The following WNT2 variants were observed in gnomAD, a reference collection of about 807,000 sequenced individuals.
WNT2 encodes the protein Wnt family member 2, also known as protein Wnt-2.
In WNT2, 12 loss-of-function variants were observed where a neutral mutation model predicts 36.9. The observed-to-expected ratio is 0.33, with a 90% CI of 0.21 to 0.53. The LOEUF is 0.53. Among genes scored for constraint, WNT2 ranks in the 20% least tolerant of loss-of-function variants. The pLI is 0.95. For synonymous variants in WNT2, 163 were observed against 174.6 expected (o/e 0.93, Z 0.52); for missense variants, 379 against 473.1 (o/e 0.80, Z 1.84).
chr7:117,283,593 G>A (rs1794533520), intron 4 of WNT2, among the ~76,000 whole-genome samples: 1 of 152,178 alleles, frequency 6.6e-6, no homozygotes, highest in Admixed American at 6.5e-5. Flanking sequence ...TGGTCATGGT[G>A]TCTTTTGTCC....
intron 2 of WNT2, among the ~76,000 whole-genome samples, chr7:117,316,459 T>C (rs569750729): frequency 2.3e-4 from 35 of 152,298 alleles, no homozygotes; most frequent in East Asian, 1.4e-3. Context: ...CTAATGCCAA[T>C]GCAAGGCAGA....
In WNT2 at chr7:117,322,855, C is replaced by T. The variant is rs1795355076; in HGVS notation, c.83+52G>A. The T allele has an allele frequency of 3.2e-6, 5 of 1,574,414 alleles. No homozygotes were observed. In the Admixed American group the frequency reaches 8.4e-5, roughly 26 times the overall value. On this transcript the variant is annotated intron_variant, in intron 1 of 4. Coordinates refer to ENST00000265441, the MANE Select transcript of WNT2 (RefSeq NM_003391.3). This position sits in a 1 kb window ranked among gnomAD's most constrained non-coding sequence, Gnocchi z 5.4. Reference sequence around the variant, plus strand: ...CCAGGAAGGGTCTATGTGGCCAATGCGGTCCCCATTCCGATCTCCAAAATC... The same window carrying T: ...CCAGGAAGGGTCTATGTGGCCAATGTGGTCCCCATTCCGATCTCCAAAATC...
At chr7:117,296,632 A>G (rs1030177066) in intron 4 of WNT2, among the ~76,000 whole-genome samples, 1 of 152,076 alleles carries the variant, frequency 6.6e-6, no homozygotes, top group Non-Finnish European at 1.5e-5. Context: ...CTTATTTTGC[A>G]CTAGAATCTT....
At chr7:117,305,718 G>T (rs934761428) in intron 3 of WNT2, among the ~76,000 whole-genome samples, 61 of 152,178 alleles carry the variant, frequency 4.0e-4, no homozygotes, top group Non-Finnish European at 7.2e-4. Flanking sequence ...CTAGAGTGCA[G>T]TGACTATTCA....
intron 2 of WNT2, among the ~76,000 whole-genome samples, chr7:117,316,965 T>A (rs1260977082): frequency 6.6e-6 from 1 of 152,244 alleles, no homozygotes; most frequent in Admixed American, 6.5e-5. Context: ...GGCTTTCAGA[T>A]AAATTAAACT....
chr7:117,282,736 G>A (rs1238818207), intron 4 of WNT2, among the ~76,000 whole-genome samples: 2 of 152,152 alleles, frequency 1.3e-5, no homozygotes, highest in Non-Finnish European at 2.9e-5. Context: ...CACACAAAAG[G>A]GCAACATGTT....
At position 117,281,234 on chromosome 7, in the gene WNT2, G is replaced by C. The variant is rs1446666210; in HGVS notation, c.854-2850C>G. 2.0e-5 allele frequency among the ~76,000 whole-genome samples: 3 copies of C among 152,066 alleles called. No individual in the cohort carries two copies. In the East Asian group the frequency reaches 5.8e-4, roughly 29 times the overall value. ...GGAGCAACAGGTTAAAGGGTCTGTT[G>C]TTGTTGTTGTTATTGTTGTTTGAGA... On this transcript the variant is annotated intron_variant, in intron 4 of 4. Coordinates refer to ENST00000265441, the MANE Select transcript of WNT2 (RefSeq NM_003391.3).
At chr7:117,311,063 G>C (rs914343118) in intron 3 of WNT2, among the ~76,000 whole-genome samples, 2 of 152,134 alleles carry the variant, frequency 1.3e-5, no homozygotes, top group Non-Finnish European at 2.9e-5. Flanking sequence ...ACCAAAGTTA[G>C]TCCCAAAATA....
At position 117,306,638 on chromosome 7, in the gene WNT2, G is replaced by A. The variant is rs780727919; in HGVS notation, c.588+8433C>T. ...TCAAGATTCCATTTTCAGCCTTCTC[G>A]TATGCTCCTGTTCTCAATTCTCCCA... On this transcript the variant is annotated intron_variant, in intron 3 of 4. Coordinates refer to ENST00000265441, the MANE Select transcript of WNT2 (RefSeq NM_003391.3). Among the ~76,000 whole-genome samples the A allele has an allele frequency of 3.9e-5, 6 of 151,988 alleles. No individual in the cohort carries two copies. The South Asian group carries it at 6.3e-4, about 16-fold the overall frequency.
At chr7:117,304,071 A>G (rs1794967627) in intron 3 of WNT2, among the ~76,000 whole-genome samples, 1 of 152,196 alleles carries the variant, frequency 6.6e-6, no homozygotes, top group Non-Finnish European at 1.5e-5. Context: ...GCTGCAGTAC[A>G]GTGTTGAATA....
chr7:117,312,335 CCA>C lies in WNT2; in HGVS notation c.588+2734_588+2735del, dbSNP rs1281863848. Among the ~76,000 whole-genome samples, 3 of 152,144 alleles carry C rather than the reference CCA, an allele frequency of 2.0e-5. No homozygotes were observed. The East Asian group carries it at 5.8e-4, about 29-fold the overall frequency. ...CTGAATAGCTGTGGTAGTAGAACTG[CCA>C]CACCTGGCTAATTTTTTATATTTTT... On this transcript the variant is annotated intron_variant, in intron 3 of 4. Transcript: ENST00000265441.
chr7:117,304,183 G>C (rs1342141733), intron 3 of WNT2, among the ~76,000 whole-genome samples: 2 of 152,162 alleles, frequency 1.3e-5, no homozygotes. Context: ...TAGAATTCTG[G>C]ATTTAAAACT....
chr7:117,312,148 T>G (rs966891708), intron 3 of WNT2, among the ~76,000 whole-genome samples: 3 of 152,114 alleles, frequency 2.0e-5, no homozygotes, highest in Non-Finnish European at 2.9e-5. Context: ...GAACTAACTT[T>G]TTTGTTTGTT....
At chr7:117,317,070 C>T (rs867407750) in intron 2 of WNT2, among the ~76,000 whole-genome samples, 1 of 152,134 alleles carries the variant, frequency 6.6e-6, no homozygotes, top group Non-Finnish European at 1.5e-5. Flanking sequence ...AAGCCGGCGC[C>T]CATGTTTAGA....
chr7:117,316,890 G>A (rs1337006640), intron 2 of WNT2, among the ~76,000 whole-genome samples: 2 of 152,128 alleles, frequency 1.3e-5, no homozygotes, highest in Non-Finnish European at 2.9e-5. Flanking sequence ...TATTCTAAGT[G>A]GAATTGAGAT....
At chr7:117,311,164 G>A (rs1012242591) in intron 3 of WNT2, among the ~76,000 whole-genome samples, 5 of 152,292 alleles carry the variant, frequency 3.3e-5, no homozygotes, top group South Asian at 4.1e-4. Context: ...GTGTGCTCAC[G>A]ATGACTGGCA....
Position 117,319,525 on chromosome 7 carries a change from G to GC in WNT2, c.310+1041_310+1042insG, listed in dbSNP as rs1286268140. Among the ~76,000 whole-genome samples, 432 of 147,852 alleles carry GC rather than the reference G, an allele frequency of 2.9e-3. 7 individuals are homozygous for GC. Among genetic ancestry groups the GC allele is most frequent in the African/African-American group, 0.01 (411 of 40,182 alleles). ...TCTGGATGATTTTCTTAGGAATTGG[G>GC]GGGGGGGGTAGGCAAAAACAAGTAA... is the stretch of plus-strand genomic sequence containing the variant. On this transcript the variant is annotated intron_variant, in intron 2 of 4. Coordinates refer to ENST00000265441, the MANE Select transcript of WNT2 (RefSeq NM_003391.3).
At chr7:117,319,856 C>A (rs1381998191) in intron 2 of WNT2, among the ~76,000 whole-genome samples, 1 of 152,174 alleles carries the variant, frequency 6.6e-6, no homozygotes, top group East Asian at 1.9e-4. Flanking sequence ...CCATAGCTAT[C>A]CTTATTGCTT....
At position 117,276,506 on chromosome 7, in the gene WNT2, G is replaced by A. The variant is rs891866314; in HGVS notation, c.*1649C>T. 1 of 152,216 alleles carries A rather than the reference G, an allele frequency of 6.6e-6. No homozygotes were observed. Among genetic ancestry groups the A allele is most frequent in the African/African-American group, 2.4e-5 (1 of 41,454 alleles). The allele number at this position is 152,216 out of a possible 1,614,324, so 9.4% of individuals were successfully genotyped here. ...GAATGAGGGAAAGGGGATGAATTCT[G>A]ACATTTTTAAGAGGGCTGGAGGCAA... is the stretch of plus-strand genomic sequence containing the variant. On this transcript the variant is annotated 3_prime_UTR_variant, in exon 5 of 5. Coordinates refer to ENST00000265441, the MANE Select transcript of WNT2 (RefSeq NM_003391.3).
Sources: gnomAD v4.1 joint callset for allele counts (sites outside exome capture counted in the v4.1 genomes callset) on GRCh38, gnomAD v4.1.1 for gene constraint, Gnocchi (gnomAD v3.1) non-coding constraint, MANE v1.5 for transcripts, NCBI Gene and HGNC (gene_info 2026-07-23, HGNC 2026-07-21) for gene names.